Variants in SLC4A5 observed in about 807,000 individuals in gnomAD.
The protein encoded by SLC4A5 is electrogenic sodium bicarbonate cotransporter 4.
SLC4A5 carries 96 observed loss-of-function variants against 120.4 expected under a neutral mutation model. The ratio of observed to expected loss-of-function variants is 0.80; its 90% CI spans 0.68 to 0.94. SLC4A5 has a LOEUF of 0.94. Among genes scored for constraint, SLC4A5 ranks in the 40% least tolerant of loss-of-function variants. The pLI is 0.00. For synonymous variants in SLC4A5, 550 were observed against 571.1 expected (o/e 0.96, Z 0.53); for missense variants, 1,259 against 1,459.5 (o/e 0.86, Z 2.24).
At chr2:74,294,130 G>A (rs1342592108) in intron 7 of SLC4A5, among the ~76,000 whole-genome samples, 2 of 152,164 alleles carry the variant, frequency 1.3e-5, no homozygotes, top group African/African-American at 4.8e-5. Flanking sequence ...GCTGGAGAAG[G>A]CCTAAGTATG....
intron 5 of SLC4A5, among the ~76,000 whole-genome samples, chr2:74,317,704 C>T (rs1438887554): frequency 2.0e-5 from 3 of 152,206 alleles, no homozygotes; most frequent in Admixed American, 2.0e-4. Flanking sequence ...ATGCAGTTAG[C>T]CCCTCAGCCC....
In SLC4A5 at chr2:74,303,117, CGTGT is replaced by C. The variant is rs112916158; in HGVS notation, c.271+1368_271+1371del. ...TGCCTGTGCATGTGGTGTGTGTGTGCGTGTGTGTGTGTGTGTGTGTTGTATTTTA... is the reference window on the plus strand; with the variant it reads ...TGCCTGTGCATGTGGTGTGTGTGTGCGTGTGTGTGTGTGTGTTGTATTTTA... On this transcript the variant is annotated intron_variant, in intron 7 of 30. Transcript: ENST00000394019. 1.1e-3 allele frequency among the ~76,000 whole-genome samples: 164 copies of C among 143,252 alleles called. 1 individual carries two copies. Among genetic ancestry groups the C allele is most frequent in the South Asian group, 0.011 (50 of 4,416 alleles). The allele number at this position is 143,252 out of a possible 152,430, so 94.0% of individuals were successfully genotyped here.
chr2:74,247,321 G>A lies in SLC4A5; in HGVS notation c.1788-14C>T, dbSNP rs1210854721. On this transcript the variant is annotated splice_polypyrimidine_tract_variant and intron_variant, in intron 18 of 30. Transcript: ENST00000394019. Reference sequence around the variant, plus strand: ...AGGCCATTGCCTCTGGAAGGCAGAGGGGAGGTGAGGGGCCTCCAGCCCAGG... The same window carrying A: ...AGGCCATTGCCTCTGGAAGGCAGAGAGGAGGTGAGGGGCCTCCAGCCCAGG... 6 of 1,605,508 alleles carry A rather than the reference G, an allele frequency of 3.7e-6. No homozygotes were observed. The Admixed American group carries it at 8.4e-5, about 22-fold the overall frequency.
intron 11 of SLC4A5, among the ~76,000 whole-genome samples, chr2:74,260,328 C>T (rs573038891): frequency 1.3e-5 from 2 of 152,142 alleles, no homozygotes; most frequent in Non-Finnish European, 2.9e-5. Context: ...CATTTCTGTC[C>T]CAGGATCCTC....
intron 7 of SLC4A5, chr2:74,290,441 G>T: frequency 1.0e-6 from 1 of 985,536 alleles, no homozygotes; most frequent in Non-Finnish European, 1.2e-6. Flanking sequence ...GAGAAAAAGA[G>T]AGAGAGAAAA....
chr2:74,276,739 C>A (rs1671654770), intron 8 of SLC4A5, among the ~76,000 whole-genome samples: 1 of 121,994 alleles, frequency 8.2e-6, no homozygotes, highest in African/African-American at 4.0e-5. Flanking sequence ...GATGTGCTCT[C>A]TAGGATATAG....
chr2:74,250,607 G>T (rs974598046), intron 16 of SLC4A5, 90 bp from the exon 17 acceptor site: 2 of 1,500,280 alleles, frequency 1.3e-6, no homozygotes, highest in Non-Finnish European at 1.8e-6. Context: ...AGTCTGGGGC[G>T]AGGAAAGGAA....
At chr2:74,244,404 C>T (rs766927164) in intron 19 of SLC4A5, among the ~76,000 whole-genome samples, 1 of 148,820 alleles carries the variant, frequency 6.7e-6, no homozygotes, top group African/African-American at 2.5e-5. Context: ...ACTCCCTCCC[C>T]CCTTCCTTCC....
exon 16 of SLC4A5, chr2:74,252,329 C>G (rs769426378): frequency 6.2e-7 from 1 of 1,613,548 alleles, no homozygotes; most frequent in Non-Finnish European, 8.5e-7. Context: ...AGGAGCTCCG[C>G]CGCCTCCTCC....
chr2:74,333,639 A>T (rs574364316), intron 4 of SLC4A5, among the ~76,000 whole-genome samples: 1 of 152,330 alleles, frequency 6.6e-6, no homozygotes, highest in South Asian at 2.1e-4. Context: ...GGACTTGAGC[A>T]TCTTCAGATT....
chr2:74,299,656 A>G (rs1350006004), intron 7 of SLC4A5, among the ~76,000 whole-genome samples: 3 of 152,230 alleles, frequency 2.0e-5, no homozygotes, highest in Non-Finnish European at 4.4e-5. Context: ...GCAAATTAAA[A>G]CCAAAACCAT....
chr2:74,290,770 A>G, intron 7 of SLC4A5: 1 of 986,826 alleles, frequency 1.0e-6, no homozygotes, highest in Non-Finnish European at 1.2e-6. Context: ...CCACAGCAGC[A>G]GGGGTGGTGG....
intron 10 of SLC4A5, among the ~76,000 whole-genome samples, chr2:74,263,352 C>T (rs1671202166): frequency 6.6e-6 from 1 of 152,192 alleles, no homozygotes; most frequent in Admixed American, 6.5e-5. Context: ...TCTCAAAGTG[C>T]TGGGATTACA....
intron 5 of SLC4A5, among the ~76,000 whole-genome samples, chr2:74,322,858 T>G (rs996928997): frequency 4.6e-5 from 7 of 152,078 alleles, no homozygotes; most frequent in African/African-American, 1.7e-4. Flanking sequence ...TCCCAAAAAC[T>G]TCTAGAGTAA....
rs956232669 is a variant in SLC4A5 at position 74,307,470 on chromosome 2, A to C, written c.80-2790T>G. ...ATCAATGACCTTGTGGAGCCCACGGATGTCGCTCTCTACAGACTAGCGCAT... is the reference window on the plus strand; with the variant it reads ...ATCAATGACCTTGTGGAGCCCACGGCTGTCGCTCTCTACAGACTAGCGCAT... On this transcript the variant is annotated intron_variant, in intron 6 of 30. Coordinates refer to ENST00000394019, the Ensembl canonical transcript of SLC4A5. The C allele has an allele frequency of 1.8e-5, 11 of 625,900 alleles. No individual in the cohort carries two copies. In the Admixed American group the frequency reaches 2.0e-4, roughly 12 times the overall value. The allele number at this position is 625,900 out of a possible 1,614,324, so 38.8% of individuals were successfully genotyped here. A position where few individuals can be genotyped will look rare whatever the true frequency, so the allele number is the denominator to read the frequency against.
chr2:74,296,375 A>G (rs1344635745), intron 7 of SLC4A5, among the ~76,000 whole-genome samples: 5 of 151,648 alleles, frequency 3.3e-5, no homozygotes, highest in Non-Finnish European at 5.9e-5. Flanking sequence ...CTCTTTTCTC[A>G]CTTCTCCCCT....
At chr2:74,276,485 C>A (rs188034846) in intron 8 of SLC4A5, among the ~76,000 whole-genome samples, 1 of 152,174 alleles carries the variant, frequency 6.6e-6, no homozygotes, top group Non-Finnish European at 1.5e-5. Context: ...GCTGCAGTTA[C>A]ATCAGCAGAT....
exon 31 of SLC4A5, chr2:74,218,307 A>G (rs1572994805): frequency 1.3e-5 from 2 of 152,372 alleles, no homozygotes; most frequent in Non-Finnish European, 1.5e-5. Flanking sequence ...TGTTTTAAAT[A>G]TGAATTGACT....
At chr2:74,266,887 G>A (rs997756071) in intron 8 of SLC4A5, among the ~76,000 whole-genome samples, 1 of 152,052 alleles carries the variant, frequency 6.6e-6, no homozygotes, top group Non-Finnish European at 1.5e-5. Flanking sequence ...TATAAATCAA[G>A]TTCAAAGAAA....
Sources: gnomAD v4.1 joint callset for allele counts (sites outside exome capture counted in the v4.1 genomes callset) on GRCh38, gnomAD v4.1.1 for gene constraint, MANE v1.5 for transcripts, NCBI Gene and HGNC (gene_info 2026-07-23, HGNC 2026-07-21) for gene names.